Variants in USP20 observed in about 807,000 individuals in gnomAD.
The protein encoded by USP20 is ubiquitin specific peptidase 20.
In USP20, 80 loss-of-function variants were observed where a neutral mutation model predicts 124.2. The observed-to-expected ratio is 0.64, with a 90% CI of 0.54 to 0.78. The LOEUF is 0.78. USP20 is among the 30% of genes least tolerant of loss of function. The pLI, the probability that USP20 is intolerant of heterozygous loss-of-function variation, is 0.00. For synonymous variants in USP20, 481 were observed against 512.3 expected (o/e 0.94, Z 0.83); for missense variants, 1,043 against 1,244.4 (o/e 0.84, Z 2.44).
chr9:129,836,773 C>A (rs1270229898), intron 1 of USP20, among the ~76,000 whole-genome samples: 1 of 152,176 alleles, frequency 6.6e-6, no homozygotes, highest in African/African-American at 2.4e-5. Flanking sequence ...AAGTCTTGCC[C>A]TCTGCAGACT....
At chr9:129,868,674 C>T (rs936834098) in intron 11 of USP20, among the ~76,000 whole-genome samples, 188 bp from the exon 12 acceptor site, 2 of 152,132 alleles carry the variant, frequency 1.3e-5, no homozygotes, top group Admixed American at 6.5e-5. Flanking sequence ...CTGAGCCTTC[C>T]AGCCGGACAT....
At chr9:129,870,658 G>C in intron 15 of USP20, 111 bp downstream of exon 15, 1 of 1,222,672 alleles carries the variant, frequency 8.2e-7, no homozygotes, top group Non-Finnish European at 1.1e-6. Context: ...GCACAGCCAG[G>C]CTAGACTTGG....
Position 129,880,117 on chromosome 9 carries a change from T to TGAC in USP20, c.2590_2592dup (p.Asp864dup), listed in dbSNP as rs770411566. On this transcript the variant is annotated inframe_insertion, in exon 25 of 26. Coordinates refer to ENST00000372429, the MANE Select transcript of USP20 (RefSeq NM_001110303.4). ...GGTGCCTCTCGTGCCCTGCAGGAGC[T>TGAC]GACTACGGGCAGATTTCGGAGGAGA... 1 of 1,613,544 alleles carries TGAC rather than the reference T, an allele frequency of 6.2e-7. No individual in the cohort carries two copies. Among genetic ancestry groups the TGAC allele is most frequent in the Non-Finnish European group, 8.5e-7 (1 of 1,179,810 alleles).
At chr9:129,853,751 G>C (rs79217881) in intron 3 of USP20, among the ~76,000 whole-genome samples, 1,958 of 152,292 alleles carry the variant, frequency 0.013, 20 homozygotes, top group Middle Eastern at 0.024. Context: ...CTGGTGCTGG[G>C]TTTCTCTCCA....
At chr9:129,857,801 A>C (rs368774964) in intron 4 of USP20, among the ~76,000 whole-genome samples, 2 of 152,206 alleles carry the variant, frequency 1.3e-5, no homozygotes, top group African/African-American at 2.4e-5. Flanking sequence ...GCTGGAGAGC[A>C]GCAGCCCAGG....
chr9:129,858,179 C>A (rs10819569), intron 5 of USP20, 67 bp downstream of exon 5: 1,364,956 of 1,532,294 alleles, frequency 0.89, 609,068 homozygotes, highest in East Asian at 0.97. Context: ...CCCAGCTCCA[C>A]CTTCCCACTC....
chr9:129,864,235 G>A (rs562700000), intron 9 of USP20, among the ~76,000 whole-genome samples: 6 of 152,200 alleles, frequency 3.9e-5, no homozygotes, highest in East Asian at 3.9e-4. Context: ...TTGGGAGGCC[G>A]AGGCAGGAGA....
At chr9:129,863,419 C>T (rs916255058) in intron 9 of USP20, 120 bp downstream of exon 9, 23 of 740,008 alleles carry the variant, frequency 3.1e-5, no homozygotes, top group Middle Eastern at 2.5e-4. Context: ...CACTTTGTCC[C>T]GGGTAATGCT....
intron 3 of USP20, among the ~76,000 whole-genome samples, chr9:129,853,727 T>C (rs2033060742): frequency 6.6e-6 from 1 of 152,114 alleles, no homozygotes; most frequent in South Asian, 2.1e-4. Context: ...GAGGCCCGGA[T>C]GTGTTTGCAC....
Position 129,881,011 on chromosome 9 carries a change from G to A in USP20, c.*561G>A, listed in dbSNP as rs1327570514. On this transcript the variant is annotated 3_prime_UTR_variant, in exon 26 of 26. Transcript: ENST00000372429. The stretch of plus-strand genomic sequence containing the variant: ...CTCAGCACTTCTCCTGCAGACTGAA[G>A]ACTCTGGACTCATTGCTGATTGGAA... The A allele has an allele frequency of 6.6e-6, 1 of 152,278 alleles. No individual in the cohort carries two copies. Among genetic ancestry groups the A allele is most frequent in the African/African-American group, 2.4e-5 (1 of 41,450 alleles). 9.4% of individuals were successfully genotyped at this position (152,278 alleles called of 1,614,324 possible). A position where few individuals can be genotyped will look rare whatever the true frequency, so the allele number is the denominator to read the frequency against.
Position 129,859,665 on chromosome 9 carries a change from T to A in USP20, c.330+1067T>A, listed in dbSNP as rs571832145. On this transcript the variant is annotated intron_variant, in intron 6 of 25. Transcript: ENST00000372429. ...TGTGAACTTGGTAGATATTTATGAATTTTTATAGAAAAGGCTATAAAACAG... is the reference window on the plus strand; with the variant it reads ...TGTGAACTTGGTAGATATTTATGAAATTTTATAGAAAAGGCTATAAAACAG... Among the ~76,000 whole-genome samples, 16 of 152,328 alleles carry A rather than the reference T, an allele frequency of 1.1e-4. No homozygotes were observed. The South Asian group carries it at 1.9e-3, about 18-fold the overall frequency.
intron 2 of USP20, among the ~76,000 whole-genome samples, chr9:129,850,589 C>G (rs1000935962): frequency 6.6e-6 from 1 of 152,090 alleles, no homozygotes; most frequent in Non-Finnish European, 1.5e-5. Context: ...AAGGAGGAGT[C>G]TGGGGGTCCA....
intron 17 of USP20, among the ~76,000 whole-genome samples, chr9:129,874,116 G>A (rs956833975): frequency 2.0e-5 from 3 of 152,134 alleles, no homozygotes; most frequent in Admixed American, 6.5e-5. Flanking sequence ...GTCTTTCTGA[G>A]GAGTAACGTC....
At chr9:129,836,744 G>A (rs947259227) in intron 1 of USP20, among the ~76,000 whole-genome samples, 8 of 152,312 alleles carry the variant, frequency 5.3e-5, no homozygotes, top group Non-Finnish European at 7.4e-5. Context: ...TTGGTCAAAA[G>A]CCATATATTA....
intron 1 of USP20, among the ~76,000 whole-genome samples, chr9:129,846,243 A>ATTT (rs1270846866): frequency 0.011 from 406 of 35,836 alleles, 8 homozygotes; most frequent in South Asian, 0.016. Context: ...ATATATATAT[A>ATTT]TATATTTTTT....
chr9:129,850,901 G>A (rs537019769), intron 2 of USP20, among the ~76,000 whole-genome samples: 1 of 152,050 alleles, frequency 6.6e-6, no homozygotes, highest in African/African-American at 2.4e-5. Context: ...TGATCTGCCC[G>A]CCTCGGCCTC....
In USP20 at chr9:129,875,369, G is replaced by A. The variant is rs534600371; in HGVS notation, c.2108G>A (p.Arg703Gln). Residue 703 changes from arginine to glutamine, a missense_variant, in exon 20 of 26, where the codon CGG (arginine) becomes CAG (glutamine). Transcript: ENST00000372429. ...CAGGTGGTGTCCCTGGCCGCCATGCGGGAGCCCAGCCTGCTGCGGTTCTAC... is the reference window on the plus strand; with the variant it reads ...CAGGTGGTGTCCCTGGCCGCCATGCAGGAGCCCAGCCTGCTGCGGTTCTAC... ...RQQVVSLAAM[R>Q]EPSLLRFYVS... The A allele has an allele frequency of 1.9e-5, 30 of 1,613,028 alleles. No homozygotes were observed. The highest frequency in any genetic ancestry group is 1.7e-4 in the African/African-American group (13 of 75,046).
intron 1 of USP20, among the ~76,000 whole-genome samples, chr9:129,844,098 G>A (rs1437654894): frequency 6.6e-6 from 1 of 152,000 alleles, no homozygotes; most frequent in Non-Finnish European, 1.5e-5. Context: ...ATTCCAAAAT[G>A]TTTCTCAGTG....
chr9:129,849,419 T>G (rs2032774174), intron 1 of USP20, among the ~76,000 whole-genome samples: 1 of 152,158 alleles, frequency 6.6e-6, no homozygotes, highest in Admixed American at 6.5e-5. Context: ...CCAGGAGGAA[T>G]GCTGGGCCCT....
Sources: gnomAD v4.1 joint callset for allele counts (sites outside exome capture counted in the v4.1 genomes callset) on GRCh38, gnomAD v4.1.1 for gene constraint, MANE v1.5 for transcripts, NCBI Gene and HGNC (gene_info 2026-07-23, HGNC 2026-07-21) for gene names.